PCDHA5: variants seen among roughly 807,000 people sequenced by gnomAD.
The protein encoded by PCDHA5 is protocadherin alpha-5.
Under a neutral mutation model 61.6 loss-of-function variants are expected in PCDHA5, and 43 were observed. The ratio of observed to expected loss-of-function variants is 0.70; its 90% confidence interval spans 0.55 to 0.90. PCDHA5 has a LOEUF of 0.90. Ranked by LOEUF, PCDHA5 falls within the 40% of genes least tolerant of loss-of-function variation. The pLI is 0.00. For synonymous variants in PCDHA5, 627 were observed against 543.9 expected, an observed-to-expected ratio of 1.15 and a Z score of -2.13; for missense variants, 1,298 against 1,222.7, an observed-to-expected ratio of 1.06 and a Z score of -0.92.
At chr5:140,850,703 G>A (rs1191486729) in intron 1 of PCDHA5, 2 of 1,598,114 alleles carry the variant, frequency 1.3e-6, no homozygotes, top group African/African-American at 2.7e-5. Flanking sequence ...CGCCTGGCAA[G>A]CCGACGCTGG....
intron 1 of PCDHA5, chr5:140,863,574 T>C (rs1162134770): frequency 2.7e-6 from 1 of 367,398 alleles, no homozygotes; most frequent in Non-Finnish European, 5.3e-6. Flanking sequence ...ATATAAGTAC[T>C]GTAATCCTGG....
At chr5:140,834,407 C>T (rs1554134157) in intron 1 of PCDHA5, 1 of 1,609,944 alleles carries the variant, frequency 6.2e-7, no homozygotes, top group East Asian at 2.2e-5. Context: ...ATGGATACGA[C>T]CCAGGGGGCC....
intron 1 of PCDHA5, among the ~76,000 whole-genome samples, chr5:140,953,875 C>T (rs1054189459): frequency 4.6e-5 from 7 of 152,088 alleles, no homozygotes; most frequent in Admixed American, 4.6e-4. Context: ...CTGCACAGAT[C>T]AACCCATCAC....
At chr5:140,866,828 T>C (rs1260647763) in intron 1 of PCDHA5, 1 of 152,140 alleles carries the variant, frequency 6.6e-6, no homozygotes, top group East Asian at 1.9e-4. Flanking sequence ...CTTCAATTGA[T>C]TTTACAAAAT....
chr5:140,969,348 G>A, intron 1 of PCDHA5: 5 of 1,613,304 alleles, frequency 3.1e-6, no homozygotes, highest in Non-Finnish European at 4.2e-6. Flanking sequence ...CAGTGGTCAG[G>A]GGGTCTTCTA....
chr5:140,835,454 C>T (rs782148594), intron 1 of PCDHA5: 4 of 1,613,928 alleles, frequency 2.5e-6, no homozygotes, highest in Non-Finnish European at 3.4e-6. Flanking sequence ...CCCTGTCTCT[C>T]CCTATTCCAG....
At chr5:140,842,109 A>C (rs2150329529) in intron 1 of PCDHA5, 16 of 1,613,740 alleles carry the variant, frequency 9.9e-6, no homozygotes, top group Non-Finnish European at 1.4e-5. Context: ...ACAGTTATCA[A>C]ACTGAATGCT....
rs782691695 is a variant in PCDHA5, at chr5:140,863,160, G to C, written c.2352+39033G>C. The C allele has an allele frequency of 6.2e-6, 4 of 647,644 alleles. No individual in the cohort carries two copies. The Admixed American group carries it at 7.5e-5, about 12-fold the overall frequency. 40.1% of individuals were successfully genotyped at this position (647,644 alleles called of 1,614,324 possible). A position where few individuals can be genotyped will look rare whatever the true frequency, so the allele number is the denominator to read the frequency against. ...TGGTGCTGGTGAAGGACCACTGCGA[G>C]CTGGCGCTGACTGCCACCGTCACCG... On this transcript the variant is annotated intron_variant, in intron 1 of 3. Transcript: ENST00000529859.
intron 1 of PCDHA5, among the ~76,000 whole-genome samples, chr5:140,840,474 T>C (rs2150307234): frequency 6.6e-6 from 1 of 151,908 alleles, no homozygotes; most frequent in African/African-American, 2.4e-5. Flanking sequence ...GGGAAAAAAG[T>C]TTAAAGGCAT....
intron 1 of PCDHA5, chr5:140,877,731 G>A (rs2153355415): frequency 1.2e-6 from 2 of 1,614,176 alleles, no homozygotes; most frequent in Non-Finnish European, 1.7e-6. Context: ...ACTCGCAGCA[G>A]AGGAGGCAGA....
chr5:140,872,861 C>T (rs1554166414), intron 1 of PCDHA5, among the ~76,000 whole-genome samples: 1 of 152,182 alleles, frequency 6.6e-6, no homozygotes, highest in African/African-American at 2.4e-5. Context: ...TGAGTACCTA[C>T]TGACAATTAT....
At chr5:140,839,172 A>T (rs1216545013) in intron 1 of PCDHA5, among the ~76,000 whole-genome samples, 5 of 150,756 alleles carry the variant, frequency 3.3e-5, no homozygotes, top group African/African-American at 7.4e-5. Context: ...AAAGATATTC[A>T]GTTTTGTGGA....
At chr5:140,920,841 T>TAAAAA (rs781921146) in intron 1 of PCDHA5, among the ~76,000 whole-genome samples, 2 of 109,230 alleles carry the variant, frequency 1.8e-5, no homozygotes, top group Non-Finnish European at 1.9e-5. Flanking sequence ...AGACCAAATC[T>TAAAAA]AAAAAAAAAA....
intron 1 of PCDHA5, chr5:140,869,464 G>C: frequency 6.2e-7 from 1 of 1,614,198 alleles, no homozygotes; most frequent in Non-Finnish European, 8.5e-7. Context: ...CCATGTGAAC[G>C]TGGAGGTGAA....
In PCDHA5 at chr5:140,823,957, G is replaced by A. The variant is rs191497891; in HGVS notation, c.2182G>A (p.Glu728Lys). 71 of 1,614,042 alleles carry A rather than the reference G, an allele frequency of 4.4e-5. No individual in the cohort carries two copies. The highest frequency in any genetic ancestry group is 1.6e-4 in the Middle Eastern group (1 of 6,062). Residue 728 changes from glutamate (E) to lysine (K), a missense_variant, in exon 1 of 4, where the codon GAG becomes AAG. Coordinates refer to ENST00000529859, the MANE Select transcript of PCDHA5 (RefSeq NM_018908.3). ...GCTGCGGTGCTCGGCGCAGCCCACC[G>A]AGGCCGTGTGCACACGGGGCAAGCC... ...TALRCSAQPT[E>K]AVCTRGKPTL...
At chr5:140,920,851 A>C (rs1370021063) in intron 1 of PCDHA5, among the ~76,000 whole-genome samples, 1 of 152,008 alleles carries the variant, frequency 6.6e-6, no homozygotes, top group Non-Finnish European at 1.5e-5. Flanking sequence ...TAAAAAAAAA[A>C]AAAAAAACAA....
At chr5:140,923,287 A>G (rs1554201330) in intron 1 of PCDHA5, among the ~76,000 whole-genome samples, 1 of 152,224 alleles carries the variant, frequency 6.6e-6, no homozygotes, top group Non-Finnish European at 1.5e-5. Context: ...AAAAATTAAA[A>G]ATTAGCTGGG....
intron 1 of PCDHA5, among the ~76,000 whole-genome samples, chr5:140,838,280 A>ATTT (rs2150286950): frequency 0.014 from 2,008 of 139,562 alleles, 92 homozygotes; most frequent in African/African-American, 0.051. Context: ...AGCCATGCTA[A>ATTT]TTTTTTTTTT....
intron 1 of PCDHA5, among the ~76,000 whole-genome samples, chr5:140,959,188 G>A (rs782018838): frequency 6.6e-6 from 1 of 151,982 alleles, no homozygotes; most frequent in Non-Finnish European, 1.5e-5. Context: ...ACCAGTCTGG[G>A]CAACATGGTG....
Sources: allele counts gnomAD v4.1 joint callset (sites outside exome capture counted in the v4.1 genomes callset), GRCh38; gene constraint gnomAD v4.1.1; transcripts MANE v1.5; gene names NCBI Gene and HGNC (gene_info 2026-07-23, HGNC 2026-07-21).